GNAQ: variants seen among roughly 807,000 people sequenced by gnomAD.
GNAQ encodes the protein G protein subunit alpha q, also known as guanine nucleotide-binding protein G(q) subunit alpha.
In GNAQ, 8 loss-of-function variants were observed where a neutral mutation model predicts 43.9. That is an observed-to-expected ratio of 0.18 (90% CI 0.11 to 0.33). The LOEUF (loss-of-function observed/expected upper bound fraction) is 0.33. GNAQ is among the 10% of genes least tolerant of loss of function. The pLI is 1.00. For missense variants in GNAQ, 158 were observed against 450.8 expected (o/e 0.35, Z 5.88); for synonymous variants, 155 against 170.7 (o/e 0.91, Z 0.71).
At chr9:77,962,660 C>T (rs185112870) in intron 1 of GNAQ, among the ~76,000 whole-genome samples, 95 of 152,046 alleles carry the variant, frequency 6.2e-4, no homozygotes, top group African/African-American at 1.5e-3. Context: ...GAGGCCGAGG[C>T]GGGCGGATCA....
At position 77,768,483 on chromosome 9, in the gene GNAQ, G is replaced by C. The variant is rs117954137; in HGVS notation, c.735+25980C>G. On this transcript the variant is annotated intron_variant, in intron 5 of 6. Transcript: ENST00000286548. ...CTTGATGTTCAAGTGAAATACTGTG[G>C]AAGAAACACTGAGCTTGGGACTTGA... 9.6e-4 allele frequency among the ~76,000 whole-genome samples: 146 copies of C among 152,298 alleles called. No individual in the cohort carries two copies. The East Asian group carries it at 0.024, about 25-fold the overall frequency.
At chr9:77,865,192 C>T (rs751313818) in intron 2 of GNAQ, among the ~76,000 whole-genome samples, 51 of 152,312 alleles carry the variant, frequency 3.3e-4, no homozygotes, top group Non-Finnish European at 6.9e-4. Context: ...ACCTGAAAGG[C>T]CACTGAGGCC....
chr9:77,721,115 G>T lies in GNAQ; in HGVS notation c.*208C>A. The T allele has an allele frequency of 2.1e-6, 1 of 465,744 alleles. No homozygotes were observed. The highest frequency in any genetic ancestry group is 3.8e-6 in the Non-Finnish European group (1 of 265,510). The allele number at this position is 465,744 out of a possible 1,614,324, so 28.9% of individuals were successfully genotyped here. ...AAAAGATAGAGAGGAAATGTGCTGG[G>T]ACTGTACTTCAGCATCCTCTGTTTT... On this transcript the variant is annotated 3_prime_UTR_variant, in exon 7 of 7. Transcript: ENST00000286548.
chr9:77,757,721 T>G (rs1407481083), intron 5 of GNAQ, among the ~76,000 whole-genome samples: 1 of 152,214 alleles, frequency 6.6e-6, no homozygotes, highest in East Asian at 1.9e-4. Flanking sequence ...TGGCTTCCAA[T>G]AGCTATGTAA....
intron 2 of GNAQ, among the ~76,000 whole-genome samples, chr9:77,820,017 T>C (rs1253847218): frequency 7.9e-6 from 1 of 126,494 alleles, no homozygotes; most frequent in Non-Finnish European, 1.6e-5. Flanking sequence ...TTTAGAGGGA[T>C]AAATTACAGA....
chr9:77,958,408 C>G (rs907622830), intron 1 of GNAQ, among the ~76,000 whole-genome samples: 1 of 152,012 alleles, frequency 6.6e-6, no homozygotes, highest in Non-Finnish European at 1.5e-5. Context: ...TCTACAGCTG[C>G]CAGCCATGAA....
chr9:77,892,915 A>G (rs1455416164), intron 2 of GNAQ, among the ~76,000 whole-genome samples: 1 of 152,236 alleles, frequency 6.6e-6, no homozygotes, highest in African/African-American at 2.4e-5. Flanking sequence ...AAATTAAGAA[A>G]CAATGGGTGG....
intron 3 of GNAQ, among the ~76,000 whole-genome samples, chr9:77,804,665 T>C (rs570868895): frequency 3.2e-4 from 48 of 152,290 alleles, no homozygotes; most frequent in Non-Finnish European, 1.3e-4. Flanking sequence ...AAATCGCATC[T>C]TGGGGCTTTC....
chr9:77,747,462 CTAA>C lies in GNAQ; in HGVS notation c.736-18798_736-18796del, dbSNP rs1211194251. Among the ~76,000 whole-genome samples the C allele has an allele frequency of 4.6e-5, 7 of 152,272 alleles. No individual in the cohort carries two copies. In the South Asian group the frequency reaches 1.5e-3, roughly 32 times the overall value. On this transcript the variant is annotated intron_variant, in intron 5 of 6. Transcript: ENST00000286548. ...AAAAAGTAAGACTGGGAAGACTACT[CTAA>C]TGAGATCAAGTATCTTTAACTGAAG... is the stretch of plus-strand genomic sequence containing the variant.
intron 2 of GNAQ, among the ~76,000 whole-genome samples, chr9:77,894,391 A>AT (rs1478433492): frequency 5.9e-4 from 21 of 35,648 alleles, no homozygotes; most frequent in African/African-American, 1.1e-3. Context: ...AATAGAAAAA[A>AT]AATATATATT....
At chr9:77,818,146 T>C (rs1827051881) in intron 2 of GNAQ, among the ~76,000 whole-genome samples, 1 of 152,186 alleles carries the variant, frequency 6.6e-6, no homozygotes, top group Non-Finnish European at 1.5e-5. Context: ...TCAACCTCCA[T>C]CAAAACTGAG....
Position 77,869,281 on chromosome 9 carries a change from T to C in GNAQ, c.321+52880A>G, listed in dbSNP as rs543351169. Among the ~76,000 whole-genome samples, 4 of 152,284 alleles carry C rather than the reference T, an allele frequency of 2.6e-5. No homozygotes were observed. The South Asian group carries it at 8.3e-4, about 32-fold the overall frequency. ...TAAATGAAATAAAAAGATTATGTTTTCTCTGCTTCTTCAATTTTGAGCCAT... is the reference window on the plus strand; with the variant it reads ...TAAATGAAATAAAAAGATTATGTTTCCTCTGCTTCTTCAATTTTGAGCCAT... On this transcript the variant is annotated intron_variant, in intron 2 of 6. Transcript: ENST00000286548.
chr9:78,006,897 C>A (rs1823713592), intron 1 of GNAQ, among the ~76,000 whole-genome samples: 1 of 152,098 alleles, frequency 6.6e-6, no homozygotes, highest in Non-Finnish European at 1.5e-5. Flanking sequence ...CAGTTCTTTG[C>A]TAGTGAGGTT....
intron 5 of GNAQ, among the ~76,000 whole-genome samples, chr9:77,783,858 G>C (rs1826434525): frequency 6.6e-6 from 1 of 152,060 alleles, no homozygotes; most frequent in Non-Finnish European, 1.5e-5. Context: ...CTGGAGCCTA[G>C]GAGTTTAAGG....
chr9:78,024,568 T>C lies in GNAQ; in HGVS notation c.136+6532A>G, dbSNP rs529065019. 4.6e-5 allele frequency among the ~76,000 whole-genome samples: 7 copies of C among 152,316 alleles called. 1 individual carries two copies. The South Asian group carries it at 1.5e-3, about 32-fold the overall frequency. On this transcript the variant is annotated intron_variant, in intron 1 of 6. Coordinates refer to ENST00000286548, the MANE Select transcript of GNAQ (RefSeq NM_002072.5). ...AGTCCTGTGATCCCCAGGAAGCTCCTACAATGGCCTTCAGATTATTTTGTC... is the reference window on the plus strand; with the variant it reads ...AGTCCTGTGATCCCCAGGAAGCTCCCACAATGGCCTTCAGATTATTTTGTC...
chr9:77,821,417 C>T (rs1166991551), intron 2 of GNAQ, among the ~76,000 whole-genome samples: 1 of 151,936 alleles, frequency 6.6e-6, no homozygotes, highest in Non-Finnish European at 1.5e-5. Context: ...TTTCTTGGCC[C>T]TACCACTACC....
chr9:77,926,922 C>G (rs1829079829), intron 1 of GNAQ, among the ~76,000 whole-genome samples: 1 of 152,160 alleles, frequency 6.6e-6, no homozygotes, highest in Non-Finnish European at 1.5e-5. Context: ...TTTTTCTTCC[C>G]TATTCGCTAG....
At chr9:77,860,363 T>A in intron 2 of GNAQ, among the ~76,000 whole-genome samples, 1 of 152,094 alleles carries the variant, frequency 6.6e-6, no homozygotes, top group East Asian at 1.9e-4. Context: ...GATGACCCCA[T>A]CTCACTGCCA....
chr9:77,950,749 T>C (rs535045770), intron 1 of GNAQ, among the ~76,000 whole-genome samples: 4 of 152,156 alleles, frequency 2.6e-5, no homozygotes, highest in African/African-American at 7.2e-5. Flanking sequence ...GGTACAAGGA[T>C]AATCACTACA....
Sources: allele counts gnomAD v4.1 joint callset (sites outside exome capture counted in the v4.1 genomes callset), GRCh38; gene constraint gnomAD v4.1.1; transcripts MANE v1.5; gene names NCBI Gene and HGNC (gene_info 2026-07-23, HGNC 2026-07-21).